The following ATP13A5 variants were observed in gnomAD, a reference collection of about 807,000 sequenced individuals.
ATP13A5 encodes probable cation-transporting ATPase 13A5.
Under a neutral mutation model 150.2 loss-of-function variants are expected in ATP13A5, and 149 were observed. That is an observed-to-expected ratio of 0.99 (90% confidence interval 0.87 to 1.14). The LOEUF (loss-of-function observed/expected upper bound fraction) is 1.14, where lower values mean the gene tolerates loss of function less well. ATP13A5 is among the 50% of genes most tolerant of loss of function. The pLI is 0.00. For missense variants in ATP13A5, 1,383 were observed against 1,449.3 expected (o/e 0.95, Z 0.74); for synonymous variants, 497 against 522.2 (o/e 0.95, Z 0.66).
rs1322447435 is a variant in ATP13A5, at chr3:193,307,388, G to A, written c.2526-19C>T. The A allele has an allele frequency of 6.2e-7, 1 of 1,613,478 alleles. No homozygotes were observed. Among genetic ancestry groups the A allele is most frequent in the Admixed American group, 1.7e-5 (1 of 59,972 alleles). On this transcript the variant is annotated intron_variant, in intron 21 of 29. Coordinates refer to ENST00000342358, the MANE Select transcript of ATP13A5 (RefSeq NM_198505.4). ...ATAATAACTGCGGGAGACAGGAGAAGAAGGATTAATAGGTAAGAAAAATGA... is the reference window on the plus strand; with the variant it reads ...ATAATAACTGCGGGAGACAGGAGAAAAAGGATTAATAGGTAAGAAAAATGA...
Position 193,335,066 on chromosome 3 carries a change from G to T in ATP13A5, c.977C>A (p.Pro326His). 1 of 1,613,858 alleles carries T rather than the reference G, an allele frequency of 6.2e-7. No homozygotes were observed. The highest frequency in any genetic ancestry group is 1.1e-5 in the South Asian group (1 of 91,058). ...CCAAGGCATAGTGTTCTCCATCTGGGGCAATGGTGTCTTTGTAACAGGTAT... is the reference window on the plus strand; with the variant it reads ...CCAAGGCATAGTGTTCTCCATCTGGTGCAATGGTGTCTTTGTAACAGGTAT... ...ESIPVTKTPL[P>H]QMENTMPWKC... Residue 326 changes from proline to histidine, a missense_variant, in exon 10 of 30, where the codon CCC (proline) becomes CAC (histidine). This residue lies in a region of ATP13A5 where 787 missense variants were observed against 771.9 expected (regional missense o/e 1.02). Transcript: ENST00000342358.
chr3:193,358,876 G>A (rs1026623963), intron 5 of ATP13A5, among the ~76,000 whole-genome samples: 76 of 152,254 alleles, frequency 5.0e-4, no homozygotes, highest in African/African-American at 1.7e-3. Flanking sequence ...GCAGGATCCT[G>A]CCAGGGAGAT....
Position 193,286,699 on chromosome 3 carries a change from A to G in ATP13A5, c.3024-1583T>C, listed in dbSNP as rs531888464. On this transcript the variant is annotated intron_variant, in intron 26 of 29. Coordinates refer to ENST00000342358, the MANE Select transcript of ATP13A5 (RefSeq NM_198505.4). Reference sequence around the variant, plus strand: ...GGGCCTCCCTATTCCTTGAGAGACAATAATATCGAAATCTGTTCAATTAAT... The same window carrying G: ...GGGCCTCCCTATTCCTTGAGAGACAGTAATATCGAAATCTGTTCAATTAAT... 2.0e-5 allele frequency among the ~76,000 whole-genome samples: 3 copies of G among 152,254 alleles called. No homozygotes were observed. The South Asian group carries it at 6.2e-4, about 32-fold the overall frequency.
intron 17 of ATP13A5, among the ~76,000 whole-genome samples, chr3:193,318,343 T>G (rs1241876218): frequency 1.3e-5 from 2 of 152,220 alleles, no homozygotes; most frequent in African/African-American, 4.8e-5. Flanking sequence ...CACAGTATTT[T>G]TTTACTCCTT....
intron 24 of ATP13A5, among the ~76,000 whole-genome samples, chr3:193,300,205 G>C (rs181952471): frequency 6.6e-5 from 10 of 152,174 alleles, no homozygotes; most frequent in Admixed American, 5.9e-4. Context: ...TTTCACCTGA[G>C]AGTGGTAAAA....
intron 13 of ATP13A5, among the ~76,000 whole-genome samples, chr3:193,325,394 A>C (rs1719433221): frequency 6.6e-6 from 1 of 152,178 alleles, no homozygotes. Context: ...CATTTCTTTG[A>C]GTTGGATATG....
intron 12 of ATP13A5, 26 bp from the exon 13 acceptor site, chr3:193,327,083 A>G: frequency 6.3e-7 from 1 of 1,586,610 alleles, no homozygotes; most frequent in Non-Finnish European, 8.6e-7. Context: ...AAGCAATATT[A>G]GCATAAGATT....
chr3:193,301,248 C>A lies in ATP13A5; in HGVS notation c.2738G>T (p.Gly913Val). 6.2e-7 allele frequency: 1 copy of A among 1,613,332 alleles called. No homozygotes were observed. The highest frequency in any genetic ancestry group is 1.1e-5 in the South Asian group (1 of 91,030). The change falls in exon 24 of 30, where the codon GGC becomes GTC. Residue 913 changes from glycine (G) to valine (V), a missense_variant. Gly to Val is a moderately radical substitution (Grantham distance 109, BLOSUM62 -3). Transcript: ENST00000342358. ...TAATGCACTGATAAACTGGATTATG[C>A]CGTACATGGTCAAGTATTTAAATAC... The part of the protein sequence containing the change: ...FGVFKYLTMY[G>V]IIQFISALLL...
intron 18 of ATP13A5, chr3:193,314,456 T>C (rs1718971061): frequency 1.7e-5 from 7 of 405,990 alleles, no homozygotes; most frequent in Non-Finnish European, 3.1e-5. Context: ...TAAGCATTTA[T>C]GACCAATCCT....
At chr3:193,303,568 G>A (rs970633687) in intron 23 of ATP13A5, among the ~76,000 whole-genome samples, 1 of 151,992 alleles carries the variant, frequency 6.6e-6, no homozygotes, top group African/African-American at 2.4e-5. Context: ...ATGTATATAT[G>A]TAAAGGAGAT....
Position 193,362,592 on chromosome 3 carries a change from G to A in ATP13A5, c.430C>T (p.Leu144=), listed in dbSNP as rs776379818. 2 of 1,614,194 alleles carry A rather than the reference G, an allele frequency of 1.2e-6. No homozygotes were observed. The highest frequency in any genetic ancestry group is 1.7e-6 in the Non-Finnish European group (2 of 1,180,022). Residue 144 remains leucine (L), a synonymous_variant, in exon 4 of 30, where the codon CTG becomes TTG. Coordinates refer to ENST00000342358, the MANE Select transcript of ATP13A5 (RefSeq NM_198505.4). The part of the protein sequence containing the change: ...VQKIRYVWND[L]EKRFQKVGLL... Reference sequence around the variant, plus strand: ...CCAACTTTCTGAAACCGCTTCTCCAGGTCGTTCCAAACATACCTGATTTTC... The same window carrying A: ...CCAACTTTCTGAAACCGCTTCTCCAAGTCGTTCCAAACATACCTGATTTTC...
At position 193,334,919 on chromosome 3, in the gene ATP13A5, A is replaced by T; in HGVS notation, c.1114+10T>A. 1 of 1,602,832 alleles carries T rather than the reference A, an allele frequency of 6.2e-7. No individual in the cohort carries two copies. The highest frequency in any genetic ancestry group is 2.2e-5 in the East Asian group (1 of 44,656). The stretch of plus-strand genomic sequence containing the variant: ...CATGAATTAAACTTACAAAAGTGGA[A>T]TCCACTAACCTGTTTGCAAAACGAC... On this transcript the variant is annotated intron_variant, in intron 10 of 29. Transcript: ENST00000342358.
chr3:193,317,437 A>G (rs980332897), intron 17 of ATP13A5, among the ~76,000 whole-genome samples: 1 of 152,184 alleles, frequency 6.6e-6, no homozygotes, highest in African/African-American at 2.4e-5. Context: ...ATAAGTTCTC[A>G]ATTCCTTGAG....
intron 12 of ATP13A5, among the ~76,000 whole-genome samples, chr3:193,327,736 C>A (rs1719516886): frequency 6.6e-6 from 1 of 152,142 alleles, no homozygotes; most frequent in East Asian, 1.9e-4. Context: ...ACTATCACAG[C>A]ACTTTTAATT....
At chr3:193,292,546 G>A (rs1267418808) in intron 25 of ATP13A5, among the ~76,000 whole-genome samples, 8 of 152,114 alleles carry the variant, frequency 5.3e-5, no homozygotes, top group South Asian at 2.1e-4. Context: ...TTGCACAGCC[G>A]GGCTTGCCCT....
At chr3:193,346,536 G>A (rs1364655843) in intron 7 of ATP13A5, among the ~76,000 whole-genome samples, 2 of 152,140 alleles carry the variant, frequency 1.3e-5, no homozygotes, top group Admixed American at 6.6e-5. Flanking sequence ...AACTGGAAGT[G>A]GGTTTGAATA....
intron 6 of ATP13A5, among the ~76,000 whole-genome samples, chr3:193,352,817 C>A (rs1057501413): frequency 1.3e-5 from 2 of 152,078 alleles, no homozygotes; most frequent in Non-Finnish European, 2.9e-5. Flanking sequence ...AAAGATATGT[C>A]CATGTTCCAA....
chr3:193,353,735 C>T (rs896310929), intron 6 of ATP13A5, among the ~76,000 whole-genome samples: 8 of 152,148 alleles, frequency 5.3e-5, no homozygotes, highest in Admixed American at 6.5e-5. Flanking sequence ...GGGTCCTCAC[C>T]GGGAACTGAA....
chr3:193,367,125 T>C (rs6778209), intron 1 of ATP13A5, among the ~76,000 whole-genome samples: 143,579 of 151,724 alleles, frequency 0.95, 67,951 homozygotes, highest in Middle Eastern at 0.98. Flanking sequence ...TAAACTAAGC[T>C]TCCAATTCAA....
Sources: allele counts gnomAD v4.1 joint callset (sites outside exome capture counted in the v4.1 genomes callset), GRCh38; gene constraint gnomAD v4.1.1; regional missense constraint gnomAD v4.1.1; transcripts MANE v1.5; gene names NCBI Gene and HGNC (gene_info 2026-07-23, HGNC 2026-07-21).